Variants in DMXL1 observed in about 807,000 individuals in gnomAD.
DMXL1 encodes dmX-like protein 1.
Under a neutral mutation model 319.2 loss-of-function variants are expected in DMXL1, and 99 were observed. The ratio of observed to expected loss-of-function variants is 0.31; its 90% CI spans 0.26 to 0.37. DMXL1 has a LOEUF of 0.37. Ranked by LOEUF, DMXL1 falls within the 10% of genes least tolerant of loss-of-function variation. The pLI is 1.00. For synonymous variants in DMXL1, 1,385 were observed against 1,235.2 expected (o/e 1.12, Z -2.54); for missense variants, 3,745 against 3,595.6 (o/e 1.04, Z -1.06).
At position 119,177,342 on chromosome 5, in the gene DMXL1, G is replaced by GT. The variant is rs1387432657; in HGVS notation, c.6759-8dup. The GT allele has an allele frequency of 1.1e-5, 16 of 1,455,732 alleles. No homozygotes were observed. Among genetic ancestry groups the GT allele is most frequent in the Admixed American group, 2.5e-5 (1 of 39,556 alleles). 90.2% of individuals were successfully genotyped at this position (1,455,732 alleles called of 1,614,324 possible). A position where few individuals can be genotyped will look rare whatever the true frequency, so the allele number is the denominator to read the frequency against. ...AAAATTTATCATAGATTTAAATATTGTTTTTTTCTCTTAGTTCATTTCAGA... is the reference window on the plus strand; with the variant it reads ...AAAATTTATCATAGATTTAAATATTGTTTTTTTTCTCTTAGTTCATTTCAGA... On this transcript the variant is annotated splice_polypyrimidine_tract_variant and intron_variant, in intron 26 of 43. Coordinates refer to ENST00000539542, the MANE Select transcript of DMXL1 (RefSeq NM_001290321.3).
intron 5 of DMXL1, among the ~76,000 whole-genome samples, chr5:119,111,869 A>C (rs1759678129): frequency 6.6e-6 from 1 of 152,234 alleles, no homozygotes; most frequent in Non-Finnish European, 1.5e-5. Flanking sequence ...CAAGAATGTG[A>C]AATGTTCAGA....
At chr5:119,167,565 T>C in intron 22 of DMXL1, 38 bp from the exon 23 acceptor site, 1 of 1,502,878 alleles carries the variant, frequency 6.7e-7, no homozygotes, top group Non-Finnish European at 8.9e-7. Context: ...AAATGAAACC[T>C]GCTCCTGCTT....
chr5:119,077,509 A>G (rs1481481026), intron 1 of DMXL1, among the ~76,000 whole-genome samples: 2 of 111,096 alleles, frequency 1.8e-5, no homozygotes, highest in African/African-American at 3.5e-5. Flanking sequence ...TTTTTTTAAG[A>G]CAGGGTCTCA....
rs766755978 is a variant in DMXL1, at chr5:119,238,981, C to T, written c.8560-8C>T. 3 of 1,613,472 alleles carry T rather than the reference C, an allele frequency of 1.9e-6. No individual in the cohort carries two copies. In the East Asian group the frequency reaches 6.7e-5, roughly 36 times the overall value. Reference sequence around the variant, plus strand: ...AGGAGTAACACGTATTGTTTGTAACCATTCCAGACTTGGCAGTGTCATAAC... The same window carrying T: ...AGGAGTAACACGTATTGTTTGTAACTATTCCAGACTTGGCAGTGTCATAAC... On this transcript the variant is annotated splice_polypyrimidine_tract_variant and splice_region_variant and intron_variant, in intron 40 of 43. Transcript: ENST00000539542.
chr5:119,071,388 C>T lies in DMXL1; in HGVS notation c.-182C>T, dbSNP rs1749507583. ...CGACCCGCCCCCTCCGGGCCTCGCCCTCCGGGGCTCGGGATGAGTCGCGGG... is the reference window on the plus strand; with the variant it reads ...CGACCCGCCCCCTCCGGGCCTCGCCTTCCGGGGCTCGGGATGAGTCGCGGG... On this transcript the variant is annotated 5_prime_UTR_variant, in exon 1 of 44. Coordinates refer to ENST00000539542, the MANE Select transcript of DMXL1 (RefSeq NM_001290321.3). The T allele has an allele frequency of 5.0e-6, 3 of 594,788 alleles. No individual in the cohort carries two copies. The highest frequency in any genetic ancestry group is 3.4e-5 in the Admixed American group (1 of 29,752). 36.8% of individuals were successfully genotyped at this position (594,788 alleles called of 1,614,324 possible). A position where few individuals can be genotyped will look rare whatever the true frequency, so the allele number is the denominator to read the frequency against.
chr5:119,125,823 C>G (rs555912838), intron 9 of DMXL1, among the ~76,000 whole-genome samples: 1 of 152,104 alleles, frequency 6.6e-6, no homozygotes, highest in South Asian at 2.1e-4. Flanking sequence ...CTTGACCTCC[C>G]AAAGCATTGG....
intron 29 of DMXL1, among the ~76,000 whole-genome samples, chr5:119,191,701 C>T (rs539310503): frequency 6.6e-6 from 1 of 152,218 alleles, no homozygotes; most frequent in Non-Finnish European, 1.5e-5. Flanking sequence ...TTACTGAGAT[C>T]TCTGTTGCTT....
intron 2 of DMXL1, among the ~76,000 whole-genome samples, chr5:119,101,369 A>G (rs1448916084): frequency 6.6e-6 from 1 of 151,468 alleles, no homozygotes; most frequent in African/African-American, 2.4e-5. Context: ...CAATATTTTG[A>G]TGTTCTTTAT....
At chr5:119,215,421 C>G (rs1412325961) in intron 34 of DMXL1, among the ~76,000 whole-genome samples, 1 of 152,154 alleles carries the variant, frequency 6.6e-6, no homozygotes, top group African/African-American at 2.4e-5. Context: ...GATTCTCGTG[C>G]CTCAGCCACT....
At position 119,121,154 on chromosome 5, in the gene DMXL1, T is replaced by A; in HGVS notation, c.1102+15T>A. ...CCCAGCCACAGGTAATGAAACATTGTTCAAAACATGTTTCTGAAATTGAAT... is the reference window on the plus strand; with the variant it reads ...CCCAGCCACAGGTAATGAAACATTGATCAAAACATGTTTCTGAAATTGAAT... On this transcript the variant is annotated intron_variant, in intron 9 of 43. Coordinates refer to ENST00000539542, the MANE Select transcript of DMXL1 (RefSeq NM_001290321.3). The A allele has an allele frequency of 6.4e-7, 1 of 1,568,430 alleles. No individual in the cohort carries two copies. Among genetic ancestry groups the A allele is most frequent in the Non-Finnish European group, 8.6e-7 (1 of 1,160,904 alleles).
intron 32 of DMXL1, among the ~76,000 whole-genome samples, chr5:119,198,592 A>C (rs1780085047): frequency 6.6e-6 from 1 of 152,226 alleles, no homozygotes; most frequent in Admixed American, 6.5e-5. Context: ...AATTCCTGTC[A>C]AATTACCAAC....
chr5:119,076,917 A>G (rs1177428542), intron 1 of DMXL1, among the ~76,000 whole-genome samples: 3 of 152,228 alleles, frequency 2.0e-5, no homozygotes, highest in African/African-American at 7.2e-5. Flanking sequence ...TGATAAACCT[A>G]ATGTTGTATG....
At chr5:119,141,407 G>A (rs558743773) in intron 13 of DMXL1, among the ~76,000 whole-genome samples, 2 of 152,184 alleles carry the variant, frequency 1.3e-5, no homozygotes, top group Non-Finnish European at 2.9e-5. Context: ...TAAAGTTTCA[G>A]GATACAAAAA....
At chr5:119,083,697 C>T (rs1257046708) in intron 1 of DMXL1, among the ~76,000 whole-genome samples, 5 of 151,516 alleles carry the variant, frequency 3.3e-5, no homozygotes, top group South Asian at 2.1e-4. Flanking sequence ...TGTGCCACCA[C>T]GCCTGGCTAA....
chr5:119,215,770 T>C (rs1262209212), intron 34 of DMXL1, among the ~76,000 whole-genome samples: 1 of 152,196 alleles, frequency 6.6e-6, no homozygotes, highest in Non-Finnish European at 1.5e-5. Context: ...CATTTCACAA[T>C]AAGTCTGAAA....
intron 13 of DMXL1, chr5:119,138,885 G>A (rs1443175783): frequency 6.6e-6 from 1 of 152,164 alleles, no homozygotes; most frequent in African/African-American, 2.4e-5. Context: ...CACATAAACT[G>A]AAATTGGAAT....
chr5:119,218,353 A>G (rs1230696570), intron 35 of DMXL1, among the ~76,000 whole-genome samples: 1 of 152,186 alleles, frequency 6.6e-6, no homozygotes, highest in Non-Finnish European at 1.5e-5. Context: ...AGCTATTCAC[A>G]TATATAAAGT....
At chr5:119,151,713 G>A (rs1440722955) in intron 18 of DMXL1, among the ~76,000 whole-genome samples, 1 of 152,088 alleles carries the variant, frequency 6.6e-6, no homozygotes. Context: ...TTTATAAAGA[G>A]TATCAGATTC....
At chr5:119,173,588 C>T (rs72784092) in intron 25 of DMXL1, among the ~76,000 whole-genome samples, 4,030 of 150,548 alleles carry the variant, frequency 0.027, 106 homozygotes, top group Non-Finnish European at 0.039. Flanking sequence ...ACAGGAGAAT[C>T]TGGGTCATAT....
Sources: allele counts gnomAD v4.1 joint callset (sites outside exome capture counted in the v4.1 genomes callset), GRCh38; gene constraint gnomAD v4.1.1; transcripts MANE v1.5; gene names NCBI Gene and HGNC (gene_info 2026-07-23, HGNC 2026-07-21).